Variants in USH2A observed in about 807,000 individuals in gnomAD.
USH2A encodes the protein usherin.
USH2A carries 443 observed loss-of-function variants against 538.9 expected under a neutral mutation model. That is an observed-to-expected ratio of 0.82 (90% CI 0.76 to 0.89). The LOEUF is 0.89. USH2A is among the 40% of genes least tolerant of loss of function. The probability of loss-of-function intolerance (pLI) is 0.00; values close to 1 mark genes in which losing one functional copy is unlikely to be tolerated. For missense variants in USH2A, 6,633 were observed against 6,324.8 expected, an observed-to-expected ratio of 1.05 and a Z score of -1.65; for synonymous variants, 2,413 against 2,273.5, an observed-to-expected ratio of 1.06 and a Z score of -1.75.
At position 216,198,546 on chromosome 1, in the gene USH2A, TCA is replaced by T. The variant is rs1318462565; in HGVS notation, c.3848_3849del (p.Leu1283GlnfsTer4). ...IIRYELYMRR[L>X]RSTKETTSEE... The stretch of plus-strand genomic sequence containing the variant: ...TCAGATGTGGTTTCTTTAGTAGATC[TCA>T]GTCTTCTCATGTATAGTTCATATCT... On this transcript the variant is annotated frameshift_variant, in exon 18 of 72. Transcript: ENST00000307340. LOFTEE classifies it high-confidence loss of function. The T allele has an allele frequency of 6.2e-7, 1 of 1,613,540 alleles. No homozygotes were observed. Among genetic ancestry groups the T allele is most frequent in the Non-Finnish European group, 8.5e-7 (1 of 1,179,872 alleles).
intron 30 of USH2A, among the ~76,000 whole-genome samples, chr1:216,059,951 T>G (rs1348571797): frequency 6.6e-6 from 1 of 152,204 alleles, no homozygotes; most frequent in Non-Finnish European, 1.5e-5. Flanking sequence ...ACTTTCTTTC[T>G]TCTGGGAATT....
intron 3 of USH2A, among the ~76,000 whole-genome samples, chr1:216,408,869 G>A (rs1328214342): frequency 1.3e-5 from 2 of 152,090 alleles, no homozygotes; most frequent in African/African-American, 4.8e-5. Flanking sequence ...CTGGACAAAG[G>A]GATGCTTCAC....
intron 4 of USH2A, among the ~76,000 whole-genome samples, chr1:216,353,557 C>T (rs57581490): frequency 0.011 from 1,602 of 152,120 alleles, 23 homozygotes; most frequent in African/African-American, 0.037. Flanking sequence ...GTAATTAAAA[C>T]GTCGATGCCT....
intron 21 of USH2A, among the ~76,000 whole-genome samples, chr1:216,150,691 C>A (rs982013623): frequency 2.0e-5 from 3 of 152,186 alleles, no homozygotes; most frequent in Admixed American, 1.3e-4. Flanking sequence ...CGCCCTCCTT[C>A]GCACTTATTT....
chr1:216,285,841 G>T (rs1421345183), intron 11 of USH2A, among the ~76,000 whole-genome samples: 1 of 152,236 alleles, frequency 6.6e-6, no homozygotes. Flanking sequence ...TTTAATGACT[G>T]CCCCATTGGG....
At chr1:215,989,001 C>G (rs586037) in intron 35 of USH2A, among the ~76,000 whole-genome samples, 144,076 of 152,314 alleles carry the variant, frequency 0.95, 68,170 homozygotes, top group East Asian at 1. Flanking sequence ...ATGACAAGGA[C>G]AGAATGTTTC....
At chr1:215,709,961 T>A (rs1489831758) in intron 61 of USH2A, among the ~76,000 whole-genome samples, 1 of 152,240 alleles carries the variant, frequency 6.6e-6, no homozygotes, top group African/African-American at 2.4e-5. Flanking sequence ...CCGATGCACA[T>A]ACAAGTGATT....
At chr1:216,326,135 C>A (rs1442073313) in intron 5 of USH2A, among the ~76,000 whole-genome samples, 1 of 152,234 alleles carries the variant, frequency 6.6e-6, no homozygotes, top group Non-Finnish European at 1.5e-5. Context: ...CAGATCCTGA[C>A]ATCCTGTAAT....
Position 215,648,525 on chromosome 1 carries a change from T to C in USH2A, c.14582+3A>G. ...TTCTTCATCCTTCTGCCTGACCCAT[T>C]ACCTGTGAATGACACCATTGGGGAA... On this transcript the variant is annotated splice_donor_region_variant and intron_variant, in intron 66 of 71. Coordinates refer to ENST00000307340, the MANE Select transcript of USH2A (RefSeq NM_206933.4). 1 of 1,613,870 alleles carries C rather than the reference T, an allele frequency of 6.2e-7. No individual in the cohort carries two copies. The highest frequency in any genetic ancestry group is 1.1e-5 in the South Asian group (1 of 91,070).
chr1:215,642,081 T>C (rs1656704912), intron 67 of USH2A, among the ~76,000 whole-genome samples: 3 of 152,128 alleles, frequency 2.0e-5, no homozygotes, highest in Admixed American at 1.3e-4. Flanking sequence ...AGCAAGAAAA[T>C]AGAAAGATAG....
intron 52 of USH2A, among the ~76,000 whole-genome samples, chr1:215,785,613 A>G (rs1661776092): frequency 6.6e-6 from 1 of 152,200 alleles, no homozygotes; most frequent in Admixed American, 6.6e-5. Context: ...TACATGTAAC[A>G]AACCTGCACG....
intron 37 of USH2A, among the ~76,000 whole-genome samples, chr1:215,951,496 G>A (rs930423020): frequency 2.0e-5 from 3 of 152,182 alleles, no homozygotes; most frequent in Admixed American, 2.0e-4. Flanking sequence ...TTTTGGAATA[G>A]GTGTGGTGTG....
At chr1:216,395,152 G>A (rs2039188802) in intron 3 of USH2A, among the ~76,000 whole-genome samples, 1 of 151,948 alleles carries the variant, frequency 6.6e-6, no homozygotes, top group African/African-American at 2.4e-5. Context: ...TTCTTTTCAT[G>A]CAACCAAAAT....
chr1:215,815,592 A>C (rs1195925529), intron 48 of USH2A, among the ~76,000 whole-genome samples: 1 of 152,106 alleles, frequency 6.6e-6, no homozygotes, highest in Non-Finnish European at 1.5e-5. Context: ...AGCATAAAGA[A>C]AGGTAGGAGT....
At chr1:215,992,675 C>A (rs1031487576) in intron 35 of USH2A, among the ~76,000 whole-genome samples, 2 of 152,114 alleles carry the variant, frequency 1.3e-5, no homozygotes, top group African/African-American at 4.8e-5. Context: ...CAAGGAAGAA[C>A]TAATGGCTTT....
intron 37 of USH2A, among the ~76,000 whole-genome samples, chr1:215,938,006 G>A (rs1309195165): frequency 6.6e-6 from 1 of 152,048 alleles, no homozygotes; most frequent in African/African-American, 2.4e-5. Context: ...TTCATTCTAA[G>A]CTTCCTAGAT....
intron 38 of USH2A, among the ~76,000 whole-genome samples, chr1:215,905,859 C>T (rs1665627843): frequency 1.3e-5 from 2 of 152,078 alleles, no homozygotes; most frequent in African/African-American, 2.4e-5. Context: ...ATTTAGGCTT[C>T]TCTGTTAACA....
At chr1:215,889,698 C>T (rs1665160681) in intron 40 of USH2A, among the ~76,000 whole-genome samples, 2 of 152,090 alleles carry the variant, frequency 1.3e-5, no homozygotes, top group Admixed American at 6.5e-5. Flanking sequence ...AGGTTTTATG[C>T]TTGCTCCACT....
chr1:215,729,775 T>C (rs903684047), intron 60 of USH2A, among the ~76,000 whole-genome samples: 1 of 152,130 alleles, frequency 6.6e-6, no homozygotes, highest in African/African-American at 2.4e-5. Context: ...GGACTACAGA[T>C]GTGTGCTACT....
Sources: allele counts gnomAD v4.1 joint callset (sites outside exome capture counted in the v4.1 genomes callset), GRCh38; gene constraint gnomAD v4.1.1; transcripts MANE v1.5; gene names NCBI Gene and HGNC (gene_info 2026-07-23, HGNC 2026-07-21).